Variants in PRSS38 observed in about 807,000 individuals in gnomAD.
PRSS38 encodes the protein serine protease 38.
A neutral mutation model predicts 26.8 loss-of-function variants in PRSS38; 22 were observed. That is an observed-to-expected ratio of 0.82 (90% CI 0.59 to 1.17). The LOEUF (loss-of-function observed/expected upper bound fraction) is 1.17, where lower values mean the gene tolerates loss of function less well. Among genes scored for constraint, PRSS38 ranks in the 50% most tolerant of loss-of-function variants. The probability of loss-of-function intolerance (pLI) is 0.00; values close to 1 mark genes in which losing one functional copy is unlikely to be tolerated. For synonymous variants in PRSS38, 175 were observed against 172.1 expected (o/e 1.02, Z -0.13); for missense variants, 427 against 422.7 (o/e 1.01, Z -0.09).
At chr1:227,845,687 G>C in intron 4 of PRSS38, 75 bp downstream of exon 4, 1 of 1,522,246 alleles carries the variant, frequency 6.6e-7, no homozygotes, top group Non-Finnish European at 9.0e-7. Context: ...CCCCACTCTG[G>C]CCTCCCACTG....
chr1:227,842,622 C>T (rs911069545), intron 3 of PRSS38, among the ~76,000 whole-genome samples: 6 of 150,900 alleles, frequency 4.0e-5, no homozygotes, highest in African/African-American at 1.5e-4. Context: ...TCTTGTTGCT[C>T]AGGCTGGAGT....
chr1:227,846,125 C>CAG lies in PRSS38; in HGVS notation c.899_900dup (p.Pro301SerfsTer17). 6.2e-7 allele frequency: 1 copy of CAG among 1,614,114 alleles called. No individual in the cohort carries two copies. Among genetic ancestry groups the CAG allele is most frequent in the South Asian group, 1.1e-5 (1 of 91,090 alleles). The stretch of plus-strand genomic sequence containing the variant: ...CATAGAAATCACGCCCACTCCTGCT[C>CAG]AGCCAGCCCCTGCTCTCTCTCCAGC... On this transcript the variant is annotated frameshift_variant, in exon 5 of 5. Coordinates refer to ENST00000366757, the Ensembl canonical transcript of PRSS38. LOFTEE classifies it low-confidence loss of function (END_TRUNC).
chr1:227,839,084 T>C (rs1338155347), intron 3 of PRSS38, among the ~76,000 whole-genome samples: 2 of 152,234 alleles, frequency 1.3e-5, no homozygotes, highest in Admixed American at 6.5e-5. Context: ...AAAAATGTTT[T>C]GCATTTTTAT....
chr1:227,825,038 T>C (rs1298699604), intron 3 of PRSS38, among the ~76,000 whole-genome samples: 1 of 152,202 alleles, frequency 6.6e-6, no homozygotes, highest in Admixed American at 6.5e-5. Flanking sequence ...ACTCTGATGA[T>C]AGTTTATTTT....
At position 227,816,325 on chromosome 1, in the gene PRSS38, C is replaced by T. The variant is rs1572078556; in HGVS notation, c.311+73C>T. On this transcript the variant is annotated intron_variant, in intron 2 of 4. Coordinates refer to ENST00000366757, the Ensembl canonical transcript of PRSS38. The surrounding 1 kb of genome is among the most constrained non-coding windows in gnomAD (Gnocchi z 5.1). ...GAGTGCCCACAGCGGCTTGGATGGACCCCACGCAAGCCTCCCCCATCACCA... is the reference window on the plus strand; with the variant it reads ...GAGTGCCCACAGCGGCTTGGATGGATCCCACGCAAGCCTCCCCCATCACCA... 2.7e-6 allele frequency: 4 copies of T among 1,461,924 alleles called. No homozygotes were observed. In the South Asian group the frequency reaches 5.0e-5, roughly 18 times the overall value. 90.6% of individuals were successfully genotyped at this position (1,461,924 alleles called of 1,614,324 possible).
chr1:227,834,600 C>A (rs573229801), intron 3 of PRSS38, among the ~76,000 whole-genome samples: 3 of 152,008 alleles, frequency 2.0e-5, no homozygotes, highest in Non-Finnish European at 4.4e-5. Flanking sequence ...ACCCGGGAGG[C>A]AGAGGTTGCA....
chr1:227,830,129 G>A (rs1665131995), intron 3 of PRSS38, among the ~76,000 whole-genome samples: 1 of 152,056 alleles, frequency 6.6e-6, no homozygotes, highest in South Asian at 2.1e-4. Flanking sequence ...GCATTCCTGT[G>A]ATTAATCCCT....
At chr1:227,837,276 A>C (rs6426481) in intron 3 of PRSS38, among the ~76,000 whole-genome samples, 129,563 of 152,258 alleles carry the variant, frequency 0.85, 55,377 homozygotes, top group South Asian at 0.91. Context: ...GCCAAGGTAA[A>C]CACTATTCTG....
At chr1:227,837,804 T>C (rs1359561274) in intron 3 of PRSS38, among the ~76,000 whole-genome samples, 5 of 152,246 alleles carry the variant, frequency 3.3e-5, no homozygotes, top group African/African-American at 1.2e-4. Context: ...TGTCATGGCC[T>C]CTTCTTGAGG....
intron 3 of PRSS38, among the ~76,000 whole-genome samples, chr1:227,828,967 G>A (rs1380629656): frequency 1.3e-5 from 2 of 152,128 alleles, no homozygotes; most frequent in East Asian, 3.9e-4. Context: ...GGAGAAGTGT[G>A]GTTTCCCAGG....
chr1:227,834,831 C>A (rs1460486187), intron 3 of PRSS38, among the ~76,000 whole-genome samples: 1 of 151,622 alleles, frequency 6.6e-6, no homozygotes, highest in Non-Finnish European at 1.5e-5. Context: ...TAAATTGTCT[C>A]AAAAAAAATT....
Position 227,817,129 on chromosome 1 carries a change from C to G in PRSS38, c.312-80C>G, listed in dbSNP as rs1664931500. The G allele has an allele frequency of 1.6e-5, 23 of 1,468,648 alleles. No homozygotes were observed. The African/African-American group carries it at 2.4e-4, about 15-fold the overall frequency. 91.0% of individuals were successfully genotyped at this position (1,468,648 alleles called of 1,614,324 possible). On this transcript the variant is annotated intron_variant, in intron 2 of 4. Coordinates refer to ENST00000366757, the Ensembl canonical transcript of PRSS38. ...AATCCCACCGAGTGAGTGCCAGCCC[C>G]TTGCGCTTGGCCTCCCCAGGCCTGT...
chr1:227,845,737 G>A, intron 4 of PRSS38, 125 bp downstream of exon 4: 1 of 1,273,096 alleles, frequency 7.9e-7, no homozygotes, highest in Middle Eastern at 2.1e-4. Context: ...AGCTGAGCAG[G>A]GCGATGTATG....
intron 3 of PRSS38, among the ~76,000 whole-genome samples, chr1:227,820,526 T>C (rs1664988529): frequency 6.6e-6 from 1 of 152,204 alleles, no homozygotes; most frequent in Non-Finnish European, 1.5e-5. Context: ...ATTCTATTAA[T>C]GTATATTACA....
chr1:227,823,626 T>G (rs1665032110), intron 3 of PRSS38, among the ~76,000 whole-genome samples: 1 of 152,184 alleles, frequency 6.6e-6, no homozygotes, highest in African/African-American at 2.4e-5. Context: ...TTGCTCCATT[T>G]GGTTTGTGCA....
chr1:227,837,540 C>A (rs1270433459), intron 3 of PRSS38, among the ~76,000 whole-genome samples: 1 of 148,172 alleles, frequency 6.7e-6, no homozygotes, highest in Non-Finnish European at 1.5e-5. Flanking sequence ...GTCATGTGAA[C>A]AAATCTGCAA....
chr1:227,846,328 C>CG, exon 5 of PRSS38: 1 of 1,296,352 alleles, frequency 7.7e-7, no homozygotes, highest in Non-Finnish European at 1.1e-6. Context: ...CCACCTATCC[C>CG]GGGGGTGGAT....
At chr1:227,833,767 T>G (rs905151000) in intron 3 of PRSS38, among the ~76,000 whole-genome samples, 1 of 152,204 alleles carries the variant, frequency 6.6e-6, no homozygotes, top group Non-Finnish European at 1.5e-5. Flanking sequence ...AAGAATGAAG[T>G]TGGACCCTTA....
rs549946843 is a variant in PRSS38, at chr1:227,816,331, G to A, written c.311+79G>A. On this transcript the variant is annotated intron_variant, in intron 2 of 4. Coordinates refer to ENST00000366757, the Ensembl canonical transcript of PRSS38. The surrounding 1 kb of genome is among the most constrained non-coding windows in gnomAD (Gnocchi z 5.1). The stretch of plus-strand genomic sequence containing the variant: ...CCACAGCGGCTTGGATGGACCCCAC[G>A]CAAGCCTCCCCCATCACCATTGTCG... The A allele has an allele frequency of 2.3e-5, 33 of 1,423,854 alleles. No homozygotes were observed. The Admixed American group carries it at 3.4e-4, about 15-fold the overall frequency. 88.2% of individuals were successfully genotyped at this position (1,423,854 alleles called of 1,614,324 possible).
Sources: allele counts gnomAD v4.1 joint callset (sites outside exome capture counted in the v4.1 genomes callset), GRCh38; gene constraint gnomAD v4.1.1; non-coding constraint Gnocchi (gnomAD v3.1); transcripts MANE v1.5; gene names NCBI Gene and HGNC (gene_info 2026-07-23, HGNC 2026-07-21).